RCAN1: variants seen among roughly 807,000 people sequenced by gnomAD.
RCAN1 encodes the protein regulator of calcineurin 1.
A neutral mutation model predicts 22.9 loss-of-function variants in RCAN1; 11 were observed. The ratio of observed to expected loss-of-function variants is 0.48; its 90% CI spans 0.30 to 0.79. RCAN1 has a LOEUF of 0.79. RCAN1 is among the 30% of genes least tolerant of loss of function. The pLI, the probability that RCAN1 is intolerant of heterozygous loss-of-function variation, is 0.06. For missense variants in RCAN1, 291 were observed against 337.8 expected, an observed-to-expected ratio of 0.86 and a Z score of 1.09; for synonymous variants, 136 against 142.3, an observed-to-expected ratio of 0.96 and a Z score of 0.32.
At chr21:34,570,254 A>G (rs1867177660) in intron 1 of RCAN1, among the ~76,000 whole-genome samples, 1 of 152,234 alleles carries the variant, frequency 6.6e-6, no homozygotes, top group South Asian at 2.1e-4. Context: ...TAGGTAAAAT[A>G]TGATCTGGAG....
At chr21:34,585,962 T>C (rs74648400) in intron 1 of RCAN1, among the ~76,000 whole-genome samples, 4,198 of 151,998 alleles carry the variant, frequency 0.028, 170 homozygotes, top group South Asian at 0.11. Context: ...CATTTAATAA[T>C]AAAAAAGGGT....
intron 1 of RCAN1, among the ~76,000 whole-genome samples, chr21:34,587,652 T>C (rs191443958): frequency 6.6e-6 from 1 of 152,340 alleles, no homozygotes; most frequent in African/African-American, 2.4e-5. Context: ...TGCAGCATTA[T>C]CATAATACTC....
chr21:34,563,802 G>T (rs1356577717), intron 1 of RCAN1, among the ~76,000 whole-genome samples: 43 of 138,766 alleles, frequency 3.1e-4, no homozygotes, highest in Admixed American at 1.1e-3. Flanking sequence ...TATAGAGAGA[G>T]AGAGAGAGAG....
At chr21:34,520,378 G>C (rs577019919) in intron 3 of RCAN1, among the ~76,000 whole-genome samples, 451 of 152,300 alleles carry the variant, frequency 3.0e-3, no homozygotes, top group African/African-American at 0.01. Flanking sequence ...CCCCGGGCCA[G>C]GAGCTGCTGT....
At chr21:34,581,467 C>T (rs977896723) in intron 1 of RCAN1, among the ~76,000 whole-genome samples, 27 of 152,138 alleles carry the variant, frequency 1.8e-4, no homozygotes, top group Admixed American at 9.8e-4. Context: ...ATTATTCATG[C>T]CCCTCTGCCC....
At chr21:34,560,616 CTCAAT>C (rs1284719969) in intron 1 of RCAN1, among the ~76,000 whole-genome samples, 1 of 152,120 alleles carries the variant, frequency 6.6e-6, no homozygotes, top group Non-Finnish European at 1.5e-5. Context: ...GAAACCATTT[CTCAAT>C]TCTTTAATAA....
intron 1 of RCAN1, among the ~76,000 whole-genome samples, chr21:34,563,816 GA>G (rs1986902478): frequency 2.1e-5 from 3 of 143,380 alleles, no homozygotes; most frequent in South Asian, 2.3e-4. Context: ...GAGAGAGAGA[GA>G]GAGGCAGGCA....
At position 34,614,637 on chromosome 21, in the gene RCAN1, C is replaced by A; in HGVS notation, c.252+123G>T. On this transcript the variant is annotated intron_variant, in intron 1 of 3. Transcript: ENST00000313806. The surrounding 1 kb of genome is among the most constrained non-coding windows in gnomAD (Gnocchi z 6.0). ...CTGACGGGTCCGCGGCCGAGCAGCC[C>A]GGGGGACGTCGCTGCCTCCCCGCCC... 9.0e-7 allele frequency: 1 copy of A among 1,114,900 alleles called. No homozygotes were observed. Among genetic ancestry groups the A allele is most frequent in the Non-Finnish European group, 1.1e-6 (1 of 904,032 alleles). The allele number at this position is 1,114,900 out of a possible 1,614,324, so 69.1% of individuals were successfully genotyped here. A position where few individuals can be genotyped will look rare whatever the true frequency, so the allele number is the denominator to read the frequency against.
Position 34,520,935 on chromosome 21 carries a change from G to C in RCAN1, c.586+564C>G, listed in dbSNP as rs555122316. The stretch of plus-strand genomic sequence containing the variant: ...ACACTTTTGTCCCTCCAGAGGACGG[G>C]AACTTCCTCTTTCTTTAGCAAGCTC... On this transcript the variant is annotated intron_variant, in intron 3 of 3. Transcript: ENST00000313806. 26 of 359,588 alleles carry C rather than the reference G, an allele frequency of 7.2e-5. No homozygotes were observed. The South Asian group carries it at 9.0e-4, about 12-fold the overall frequency. 22.3% of individuals were successfully genotyped at this position (359,588 alleles called of 1,614,324 possible).
chr21:34,544,733 G>T (rs1329072776), intron 1 of RCAN1, among the ~76,000 whole-genome samples: 1 of 152,174 alleles, frequency 6.6e-6, no homozygotes, highest in Non-Finnish European at 1.5e-5. Flanking sequence ...GAGACTGCTG[G>T]TCCCCAAGAT....
intron 1 of RCAN1, among the ~76,000 whole-genome samples, chr21:34,563,039 C>T (rs1392543975): frequency 6.6e-6 from 1 of 152,178 alleles, no homozygotes; most frequent in African/African-American, 2.4e-5. Context: ...CTTCCCCTTA[C>T]CTCCACACGC....
chr21:34,579,946 C>A (rs943648099), intron 1 of RCAN1, among the ~76,000 whole-genome samples: 2 of 152,134 alleles, frequency 1.3e-5, no homozygotes, highest in African/African-American at 4.8e-5. Flanking sequence ...ATAGAAATAA[C>A]CACTGCTAAC....
At chr21:34,552,632 A>C (rs900661331) in intron 1 of RCAN1, among the ~76,000 whole-genome samples, 6 of 151,770 alleles carry the variant, frequency 4.0e-5, no homozygotes, top group African/African-American at 1.5e-4. Context: ...TCACATGCAG[A>C]CTCCATTCCT....
At chr21:34,586,445 G>C (rs1411759422) in intron 1 of RCAN1, among the ~76,000 whole-genome samples, 2 of 151,264 alleles carry the variant, frequency 1.3e-5, no homozygotes, top group Non-Finnish European at 2.9e-5. Flanking sequence ...ACAATCTACA[G>C]ATCAATGAAG....
At chr21:34,593,454 A>G (rs1283006232) in intron 1 of RCAN1, among the ~76,000 whole-genome samples, 1 of 152,268 alleles carries the variant, frequency 6.6e-6, no homozygotes, top group African/African-American at 2.4e-5. Context: ...GGCTTATATG[A>G]CACAGGCAGA....
intron 1 of RCAN1, among the ~76,000 whole-genome samples, chr21:34,596,908 G>C (rs538448046): frequency 2.6e-5 from 4 of 152,210 alleles, no homozygotes; most frequent in Admixed American, 1.3e-4. Context: ...CTGTGCGTTG[G>C]TCTGCACACA....
intron 1 of RCAN1, among the ~76,000 whole-genome samples, chr21:34,530,821 C>T (rs1310923066): frequency 6.6e-6 from 1 of 151,944 alleles, no homozygotes; most frequent in African/African-American, 2.4e-5. Context: ...GATGGGGTTT[C>T]ACCATGTTGG....
chr21:34,529,750 G>C (rs1985270796), intron 1 of RCAN1, among the ~76,000 whole-genome samples: 5 of 152,208 alleles, frequency 3.3e-5, no homozygotes, highest in Non-Finnish European at 5.9e-5. Context: ...CAAGACCTCT[G>C]ATATGGTTGG....
intron 1 of RCAN1, among the ~76,000 whole-genome samples, chr21:34,531,866 A>G (rs531817025): frequency 1.5e-4 from 23 of 152,106 alleles, no homozygotes; most frequent in African/African-American, 5.3e-4. Flanking sequence ...GATTGAGTGC[A>G]GGCATGTCGT....
Sources: allele counts gnomAD v4.1 joint callset (sites outside exome capture counted in the v4.1 genomes callset), GRCh38; gene constraint gnomAD v4.1.1; non-coding constraint Gnocchi (gnomAD v3.1); transcripts MANE v1.5; gene names NCBI Gene and HGNC (gene_info 2026-07-23, HGNC 2026-07-21).